Variants in HCRTR2 observed in about 807,000 individuals in gnomAD.
The protein encoded by HCRTR2 is hypocretin receptor 2, also known as orexin receptor type 2.
Under a neutral mutation model 49.0 loss-of-function variants are expected in HCRTR2, and 22 were observed. The ratio of observed to expected loss-of-function variants is 0.45; its 90% confidence interval spans 0.32 to 0.64. The LOEUF is 0.64. Ranked by LOEUF, HCRTR2 falls within the 30% of genes least tolerant of loss-of-function variation. HCRTR2 has a pLI of 0.04. For synonymous variants in HCRTR2, 236 were observed against 205.3 expected, an observed-to-expected ratio of 1.15 and a Z score of -1.28; for missense variants, 491 against 559.4, an observed-to-expected ratio of 0.88 and a Z score of 1.23.
chr6:55,137,207 G>A (rs934577150), intron 1 of HCRTR2, among the ~76,000 whole-genome samples: 52 of 152,094 alleles, frequency 3.4e-4, no homozygotes, highest in African/African-American at 1.3e-3. Flanking sequence ...TTCTATGACA[G>A]GAATGCCAGA....
At chr6:55,196,708 AAG>A (rs1765423471) in intron 1 of HCRTR2, among the ~76,000 whole-genome samples, 1 of 152,320 alleles carries the variant, frequency 6.6e-6, no homozygotes, top group Admixed American at 6.5e-5. Flanking sequence ...AAGGAAGAAA[AAG>A]AGAGAAAATG....
chr6:55,240,228 G>C (rs565009875), intron 1 of HCRTR2, among the ~76,000 whole-genome samples: 1 of 151,446 alleles, frequency 6.6e-6, no homozygotes, highest in Non-Finnish European at 1.5e-5. Context: ...CGCGGTGGCG[G>C]GCGCCTGTAG....
At chr6:55,122,001 T>C (rs1301518666) in intron 1 of HCRTR2, among the ~76,000 whole-genome samples, 2 of 152,198 alleles carry the variant, frequency 1.3e-5, no homozygotes, top group African/African-American at 4.8e-5. Context: ...GAGGATTCCC[T>C]CTTTTTCTAT....
upstream of HCRTR2, chr6:55,174,216 G>C: frequency 5.5e-6 from 1 of 181,482 alleles, no homozygotes; most frequent in East Asian, 1.4e-4. Context: ...TTCAGCTTCA[G>C]CTCTCCCTCA....
At chr6:55,265,853 C>G (rs781323409) in intron 4 of HCRTR2, among the ~76,000 whole-genome samples, 1 of 152,112 alleles carries the variant, frequency 6.6e-6, no homozygotes, top group Non-Finnish European at 1.5e-5. Flanking sequence ...TGTATAGCAT[C>G]TTCCTCATAG....
chr6:55,143,553 T>G (rs932131748), intron 1 of HCRTR2, among the ~76,000 whole-genome samples: 4 of 152,234 alleles, frequency 2.6e-5, no homozygotes, highest in Non-Finnish European at 5.9e-5. Context: ...TTATTTGGAA[T>G]TGTGTGACTG....
intron 1 of HCRTR2, among the ~76,000 whole-genome samples, chr6:55,129,154 T>TCCTAC (rs2127244666): frequency 6.6e-6 from 1 of 152,288 alleles, no homozygotes; most frequent in South Asian, 2.1e-4. Context: ...TAATCAACTC[T>TCCTAC]CCTACGTTTG....
rs915266869 is a variant in HCRTR2, at chr6:55,119,195, C to T, written c.-378+12650C>T. ...CTTTATTCAGTCTATCATTGATGGG[C>T]GTTTGGGTTGGTTCCAAGTCTTGGC... On this transcript the variant is annotated intron_variant, in intron 1 of 7. Coordinates refer to the HCRTR2 transcript ENST00000615358. 7.2e-5 allele frequency among the ~76,000 whole-genome samples: 11 copies of T among 151,994 alleles called. 1 individual carries two copies. The highest frequency in any genetic ancestry group is 2.7e-4 in the African/African-American group (11 of 41,374).
Position 55,269,730 on chromosome 6 carries a change from G to A in HCRTR2, c.762+5908G>A, listed in dbSNP as rs1314124869. Among the ~76,000 whole-genome samples the A allele has an allele frequency of 3.9e-5, 6 of 152,084 alleles. No homozygotes were observed. The East Asian group carries it at 7.7e-4, about 20-fold the overall frequency. On this transcript the variant is annotated intron_variant, in intron 4 of 6. Coordinates refer to ENST00000370862, the MANE Select transcript of HCRTR2 (RefSeq NM_001384272.1). ...CTCAACACTTTTGGGAGACTGAGGC[G>A]GGAGGATCACATGAGGCCAGGAGAT...
intron 2 of HCRTR2, among the ~76,000 whole-genome samples, chr6:55,251,207 A>C (rs182587925): frequency 1.3e-5 from 2 of 152,188 alleles, no homozygotes; most frequent in East Asian, 3.9e-4. Flanking sequence ...TTTTAAAGTT[A>C]TTTGGTTGCA....
chr6:55,133,256 T>C (rs1319691936), intron 1 of HCRTR2, among the ~76,000 whole-genome samples: 1 of 151,802 alleles, frequency 6.6e-6, no homozygotes, highest in Non-Finnish European at 1.5e-5. Flanking sequence ...TTTGCTCTTG[T>C]TTTCAGTCCT....
At chr6:55,269,685 T>C (rs1553332) in intron 4 of HCRTR2, among the ~76,000 whole-genome samples, 73,750 of 152,028 alleles carry the variant, frequency 0.49, 18,334 homozygotes, top group Middle Eastern at 0.59. Context: ...CATCCAGGCT[T>C]GATTGCTTAT....
intron 6 of HCRTR2, among the ~76,000 whole-genome samples, chr6:55,281,878 T>C (rs1767197537): frequency 6.6e-6 from 1 of 152,194 alleles, no homozygotes; most frequent in South Asian, 2.1e-4. Context: ...GTTTAATTAT[T>C]AAATATCTCT....
chr6:55,248,516 C>G, intron 1 of HCRTR2, 123 bp from the exon 2 acceptor site: 1 of 798,504 alleles, frequency 1.3e-6, no homozygotes, highest in Non-Finnish European at 2.2e-6. Context: ...AAACACGGCA[C>G]AGCCTTCAAT....
At chr6:55,194,676 C>A (rs1383148321) in intron 1 of HCRTR2, among the ~76,000 whole-genome samples, 1 of 151,922 alleles carries the variant, frequency 6.6e-6, no homozygotes, top group Non-Finnish European at 1.5e-5. Flanking sequence ...TTGAGATTTA[C>A]TTTGGGAGGT....
intron 1 of HCRTR2, among the ~76,000 whole-genome samples, chr6:55,138,195 GAA>G (rs1764457621): frequency 6.6e-6 from 1 of 151,846 alleles, no homozygotes; most frequent in Non-Finnish European, 1.5e-5. Context: ...TAAGCAAGAT[GAA>G]AAGATAGAAT....
chr6:55,258,719 T>C (rs181930287), intron 3 of HCRTR2, among the ~76,000 whole-genome samples: 249 of 152,294 alleles, frequency 1.6e-3, no homozygotes, highest in Non-Finnish European at 2.9e-3. Context: ...CTTGCTTGCT[T>C]GGTTTGTAAA....
At chr6:55,272,869 A>G (rs1432103913) in intron 4 of HCRTR2, among the ~76,000 whole-genome samples, 1 of 129,076 alleles carries the variant, frequency 7.7e-6, no homozygotes, top group Non-Finnish European at 1.6e-5. Flanking sequence ...TTTTTTTTGC[A>G]AAGAAGAAGT....
chr6:55,270,260 T>G (rs1238290252), intron 4 of HCRTR2, among the ~76,000 whole-genome samples: 1 of 152,202 alleles, frequency 6.6e-6, no homozygotes, highest in Non-Finnish European at 1.5e-5. Context: ...TCAAATCAAT[T>G]AAATAGATAA....
Sources: allele counts gnomAD v4.1 joint callset (sites outside exome capture counted in the v4.1 genomes callset), GRCh38; gene constraint gnomAD v4.1.1; transcripts MANE v1.5; gene names NCBI Gene and HGNC (gene_info 2026-07-23, HGNC 2026-07-21).